GNAO1: variants seen among roughly 807,000 people sequenced by gnomAD.
GNAO1 encodes the protein guanine nucleotide-binding protein G(o) subunit alpha.
For missense variants in GNAO1, 166 were observed against 478.7 expected (o/e 0.35, Z 6.10); for synonymous variants, 164 against 180.7 (o/e 0.91, Z 0.74).
At chr16:56,288,473 C>G (rs2037195579) in intron 3 of GNAO1, among the ~76,000 whole-genome samples, 1 of 152,228 alleles carries the variant, frequency 6.6e-6, no homozygotes, top group Admixed American at 6.5e-5. Flanking sequence ...AGAGCACATA[C>G]TTGGGCTCCT....
chr16:56,260,552 C>T (rs1208636230), intron 2 of GNAO1, among the ~76,000 whole-genome samples: 1 of 152,168 alleles, frequency 6.6e-6, no homozygotes, highest in Non-Finnish European at 1.5e-5. Flanking sequence ...GAGCCCGACT[C>T]TGAGAGGGAA....
At chr16:56,218,982 AACACACC>A (rs1182124761) in intron 2 of GNAO1, among the ~76,000 whole-genome samples, 2 of 152,146 alleles carry the variant, frequency 1.3e-5, no homozygotes, top group Non-Finnish European at 2.9e-5. Flanking sequence ...TAAAATGTGA[AACACACC>A]ACTTTAGGGG....
chr16:56,318,007 C>T (rs1278643430), intron 3 of GNAO1, among the ~76,000 whole-genome samples: 2 of 152,164 alleles, frequency 1.3e-5, no homozygotes, highest in Non-Finnish European at 2.9e-5. Flanking sequence ...CTGCAGCACC[C>T]CAGTTGTTGC....
At chr16:56,319,657 C>T (rs1278844791) in intron 3 of GNAO1, among the ~76,000 whole-genome samples, 2 of 152,176 alleles carry the variant, frequency 1.3e-5, no homozygotes, top group Non-Finnish European at 2.9e-5. Flanking sequence ...TGGCAGGACA[C>T]AGGGCCTGTG....
intron 6 of GNAO1, among the ~76,000 whole-genome samples, chr16:56,349,470 C>A (rs1386889043): frequency 6.6e-6 from 1 of 152,230 alleles, no homozygotes; most frequent in African/African-American, 2.4e-5. Flanking sequence ...TTCACTGGGC[C>A]TCCCAGAAGC....
intron 6 of GNAO1, chr16:56,344,596 A>G: frequency 1.0e-6 from 1 of 986,054 alleles, no homozygotes; most frequent in Non-Finnish European, 1.2e-6. Context: ...CGAGTTCTGG[A>G]AATGCTTCTT....
chr16:56,307,126 TACAGAAACA>T (rs1310217774), intron 3 of GNAO1: 1 of 152,306 alleles, frequency 6.6e-6, no homozygotes, highest in Non-Finnish European at 1.5e-5. Context: ...CCCCAGGAGC[TACAGAAACA>T]GGCCTGGTTC....
At chr16:56,259,248 C>T (rs1384393851) in intron 2 of GNAO1, among the ~76,000 whole-genome samples, 1 of 152,192 alleles carries the variant, frequency 6.6e-6, no homozygotes, top group South Asian at 2.1e-4. Flanking sequence ...GTGTGAATGC[C>T]GCCTCCTTGT....
At chr16:56,198,399 A>G (rs2036252669) in intron 2 of GNAO1, among the ~76,000 whole-genome samples, 1 of 152,206 alleles carries the variant, frequency 6.6e-6, no homozygotes, top group African/African-American at 2.4e-5. Flanking sequence ...GAGAGGAGAG[A>G]GCAGTGGCTT....
chr16:56,290,626 C>A (rs2037221632), intron 3 of GNAO1, among the ~76,000 whole-genome samples: 1 of 152,194 alleles, frequency 6.6e-6, no homozygotes, highest in Non-Finnish European at 1.5e-5. Context: ...ACCACACCTG[C>A]CCACGCACTG....
At chr16:56,289,364 C>G (rs2037207706) in intron 3 of GNAO1, among the ~76,000 whole-genome samples, 1 of 152,154 alleles carries the variant, frequency 6.6e-6, no homozygotes, top group Admixed American at 6.5e-5. Context: ...GAGTATAGCC[C>G]AGGGCTGGGG....
chr16:56,332,356 C>G (rs780805958), intron 4 of GNAO1, among the ~76,000 whole-genome samples: 1 of 152,326 alleles, frequency 6.6e-6, no homozygotes, highest in African/African-American at 2.4e-5. Context: ...AGTGTTTCCA[C>G]TGGGCCACTC....
intron 2 of GNAO1, among the ~76,000 whole-genome samples, chr16:56,236,402 C>T (rs1395223738): frequency 6.6e-6 from 1 of 152,114 alleles, no homozygotes; most frequent in African/African-American, 2.4e-5. Context: ...ATAGAATTGA[C>T]CCTGGGAGGT....
Position 56,235,159 on chromosome 16 carries a change from A to G in GNAO1, c.162-40772A>G, listed in dbSNP as rs545497233. 1.6e-5 allele frequency: 6 copies of G among 369,478 alleles called. No individual in the cohort carries two copies. In the East Asian group the frequency reaches 4.4e-4, roughly 27 times the overall value. The allele number at this position is 369,478 out of a possible 1,614,324, so 22.9% of individuals were successfully genotyped here. On this transcript the variant is annotated intron_variant, in intron 2 of 8. Coordinates refer to ENST00000262493, the MANE Select transcript of GNAO1 (RefSeq NM_020988.3). The stretch of plus-strand genomic sequence containing the variant: ...GGAAGCAGCATGGCATATAAAGCTC[A>G]TGCTCCCTTGAAGGCTGGTGATTGA...
intron 2 of GNAO1, among the ~76,000 whole-genome samples, chr16:56,264,368 G>A (rs908338678): frequency 3.9e-5 from 6 of 152,234 alleles, no homozygotes; most frequent in African/African-American, 4.8e-5. Flanking sequence ...GGCCTGTGCA[G>A]CCCCCACCTC....
At chr16:56,352,933 A>G (rs1403310973) in intron 7 of GNAO1, 1 of 152,294 alleles carries the variant, frequency 6.6e-6, no homozygotes, top group Non-Finnish European at 1.5e-5. Flanking sequence ...CCTCATTCTA[A>G]TCTGGTCAAC....
rs199865766 is a variant in GNAO1 at position 56,276,261 on chromosome 16, C to CA, written c.303+190dup. The CA allele has an allele frequency of 2.1e-3, 1,010 of 475,268 alleles. 11 individuals are homozygous for CA. The highest frequency in any genetic ancestry group is 0.018 in the African/African-American group (919 of 51,368). 29.4% of individuals were successfully genotyped at this position (475,268 alleles called of 1,614,324 possible). ...CCCTCTGGCAAACTCCCAGCAAACTCACCAACTTTGCAAGTTGCAGGGGCT... is the reference window on the plus strand; with the variant it reads ...CCCTCTGGCAAACTCCCAGCAAACTCAACCAACTTTGCAAGTTGCAGGGGCT... On this transcript the variant is annotated intron_variant, in intron 3 of 8. Transcript: ENST00000262493.
At chr16:56,313,604 C>G (rs142660673) in intron 3 of GNAO1, among the ~76,000 whole-genome samples, 2 of 152,282 alleles carry the variant, frequency 1.3e-5, no homozygotes, top group East Asian at 3.9e-4. Flanking sequence ...CCCACACGAA[C>G]AGGGAAGGAG....
chr16:56,217,600 A>G (rs2036447488), intron 2 of GNAO1, among the ~76,000 whole-genome samples: 1 of 152,168 alleles, frequency 6.6e-6, no homozygotes, highest in Non-Finnish European at 1.5e-5. Flanking sequence ...GGCCCTGGGT[A>G]AGGGGGTTAC....
Sources: allele counts gnomAD v4.1 joint callset (sites outside exome capture counted in the v4.1 genomes callset), GRCh38; gene constraint gnomAD v4.1.1; transcripts MANE v1.5; gene names NCBI Gene and HGNC (gene_info 2026-07-23, HGNC 2026-07-21).